TRHDE: variants seen among roughly 807,000 people sequenced by gnomAD.
The protein encoded by TRHDE is thyrotropin-releasing hormone-degrading ectoenzyme.
Under a neutral mutation model 125.7 loss-of-function variants are expected in TRHDE, and 72 were observed. The observed-to-expected ratio is 0.57, with a 90% CI of 0.47 to 0.70. The LOEUF (loss-of-function observed/expected upper bound fraction) is 0.70. TRHDE is among the 30% of genes least tolerant of loss of function. The pLI, the probability that TRHDE is intolerant of heterozygous loss-of-function variation, is 0.00. For missense variants in TRHDE, 1,110 were observed against 1,327.1 expected (o/e 0.84, Z 2.54); for synonymous variants, 509 against 509.1 (o/e 1.00, Z 0.00).
intron 12 of TRHDE, among the ~76,000 whole-genome samples, chr12:72,608,918 TGGGGG>T (rs1318303713): frequency 2.0e-5 from 3 of 152,086 alleles, no homozygotes; most frequent in Non-Finnish European, 2.9e-5. Context: ...AATATGAACC[TGGGGG>T]GGTTAGAAAA....
At chr12:72,319,340 T>C (rs12305099) in intron 2 of TRHDE, among the ~76,000 whole-genome samples, 3,688 of 152,282 alleles carry the variant, frequency 0.024, 135 homozygotes, top group African/African-American at 0.084. Flanking sequence ...TCTCTTTATT[T>C]CATATTTAGT....
At chr12:72,136,051 A>G (rs1875978127) in intron 2 of TRHDE, among the ~76,000 whole-genome samples, 1 of 152,136 alleles carries the variant, frequency 6.6e-6, no homozygotes, top group Admixed American at 6.5e-5. Context: ...GACCATGAAT[A>G]TGTAGTGAAA....
chr12:72,224,841 T>A (rs2139370708), intron 2 of TRHDE, among the ~76,000 whole-genome samples: 1 of 152,254 alleles, frequency 6.6e-6, no homozygotes, highest in Admixed American at 6.5e-5. Flanking sequence ...GCCATATCTC[T>A]CCACTAATGC....
intron 6 of TRHDE, among the ~76,000 whole-genome samples, chr12:72,503,562 A>T (rs912829770): frequency 6.6e-6 from 1 of 152,220 alleles, no homozygotes; most frequent in Non-Finnish European, 1.5e-5. Flanking sequence ...ACCTGAAGTC[A>T]TCTTAAGCCA....
At chr12:72,502,002 G>T (rs924931665) in intron 6 of TRHDE, among the ~76,000 whole-genome samples, 1 of 151,910 alleles carries the variant, frequency 6.6e-6, no homozygotes, top group African/African-American at 2.4e-5. Flanking sequence ...AATAACTGCA[G>T]CATCTCTAAT....
intron 7 of TRHDE, among the ~76,000 whole-genome samples, chr12:72,547,137 C>T (rs901446943): frequency 6.8e-6 from 1 of 147,036 alleles, no homozygotes; most frequent in African/African-American, 2.6e-5. Context: ...ATATTATTTG[C>T]ATTATTTTTA....
Position 72,562,998 on chromosome 12 carries a change from A to G in TRHDE, c.2000A>G (p.Asp667Gly), listed in dbSNP as rs778248162. The G allele has an allele frequency of 6.2e-7, 1 of 1,607,968 alleles. No individual in the cohort carries two copies. The highest frequency in any genetic ancestry group is 8.5e-7 in the Non-Finnish European group (1 of 1,177,546). ...ATTACCCAACAGCATTTTATCTATG[A>G]TATCAGTGCTAAAACTAAAGCACTT... Reference protein sequence around the residue: ...IIITQQHFIYDISAKTKALKL... With the variant: ...IIITQQHFIYGISAKTKALKL... Residue 667 changes from aspartate to glycine, a missense_variant, in exon 9 of 19, where the codon GAT becomes GGT. Transcript: ENST00000261180.
intron 1 of TRHDE, among the ~76,000 whole-genome samples, chr12:72,101,244 A>G (rs1021459772): frequency 2.0e-5 from 3 of 152,226 alleles, no homozygotes; most frequent in African/African-American, 4.8e-5. Context: ...AAAACAGCCA[A>G]TAAATGTTTA....
chr12:72,424,160 C>G (rs1017531240), intron 3 of TRHDE, among the ~76,000 whole-genome samples: 8 of 152,142 alleles, frequency 5.3e-5, no homozygotes, highest in African/African-American at 1.9e-4. Context: ...CATCCATGCT[C>G]TGAGACTCTG....
intron 2 of TRHDE, among the ~76,000 whole-genome samples, chr12:72,142,935 T>C (rs1018895383): frequency 4.6e-5 from 7 of 151,750 alleles, no homozygotes; most frequent in Non-Finnish European, 7.4e-5. Context: ...AACCTTGCAT[T>C]CATCCTCAAG....
chr12:72,415,040 C>G (rs759316335), intron 3 of TRHDE, among the ~76,000 whole-genome samples: 1 of 152,086 alleles, frequency 6.6e-6, no homozygotes, highest in Non-Finnish European at 1.5e-5. Flanking sequence ...GGGGCTCCTA[C>G]TGTTCGTTGG....
chr12:72,427,527 T>A (rs1874242886), intron 3 of TRHDE, among the ~76,000 whole-genome samples: 1 of 152,124 alleles, frequency 6.6e-6, no homozygotes, highest in East Asian at 1.9e-4. Context: ...TCTATTTGTA[T>A]CCCTGGCTTT....
chr12:72,535,828 G>A (rs554843363), intron 6 of TRHDE, among the ~76,000 whole-genome samples: 80 of 152,218 alleles, frequency 5.3e-4, no homozygotes, highest in Non-Finnish European at 1.0e-3. Context: ...TCCAGAATTA[G>A]TGCAGAAACA....
Position 72,566,892 on chromosome 12 carries a change from A to G in TRHDE, c.2043-1676A>G, listed in dbSNP as rs78502263. On this transcript the variant is annotated intron_variant, in intron 9 of 18. Transcript: ENST00000261180. ...AGTGCATTCAATCAGATTCAATAGT[A>G]ATTTATGATTTAGAGTAGAAATGCC... Among the ~76,000 whole-genome samples, 833 of 152,036 alleles carry G rather than the reference A, an allele frequency of 5.5e-3. 11 individuals carry two copies. Among genetic ancestry groups the G allele is most frequent in the African/African-American group, 0.018 (759 of 41,558 alleles).
chr12:72,362,837 T>A (rs1455282708), intron 2 of TRHDE, among the ~76,000 whole-genome samples: 3 of 152,262 alleles, frequency 2.0e-5, no homozygotes, highest in Non-Finnish European at 2.9e-5. Context: ...TCCCCATTGC[T>A]TGTTTTTCGC....
At chr12:72,258,488 C>A (rs368910489) in intron 2 of TRHDE, among the ~76,000 whole-genome samples, 1 of 152,112 alleles carries the variant, frequency 6.6e-6, no homozygotes, top group Non-Finnish European at 1.5e-5. Flanking sequence ...AACTTTAGAG[C>A]TGCACAGTGA....
At chr12:72,482,979 G>A (rs1033185869) in intron 5 of TRHDE, among the ~76,000 whole-genome samples, 1 of 151,910 alleles carries the variant, frequency 6.6e-6, no homozygotes, top group Non-Finnish European at 1.5e-5. Context: ...AAATAATTTG[G>A]CTTCCTACAA....
chr12:72,433,261 T>G (rs1874578978), intron 3 of TRHDE, among the ~76,000 whole-genome samples: 1 of 152,206 alleles, frequency 6.6e-6, no homozygotes, highest in Non-Finnish European at 1.5e-5. Context: ...TACATTTCCT[T>G]TCTTCTGAAG....
At chr12:72,263,037 G>A (rs886120246) in intron 2 of TRHDE, 1 of 151,998 alleles carries the variant, frequency 6.6e-6, no homozygotes, top group Non-Finnish European at 1.5e-5. Flanking sequence ...ATTAGGATCT[G>A]CTTAATTTGA....
Sources: allele counts gnomAD v4.1 joint callset (sites outside exome capture counted in the v4.1 genomes callset), GRCh38; gene constraint gnomAD v4.1.1; transcripts MANE v1.5; gene names NCBI Gene and HGNC (gene_info 2026-07-23, HGNC 2026-07-21).